NRP2: variants seen among roughly 807,000 people sequenced by gnomAD.
The protein encoded by NRP2 is neuropilin-2.
A neutral mutation model predicts 110.4 loss-of-function variants in NRP2; 52 were observed. That is an observed-to-expected ratio of 0.47 (90% CI 0.38 to 0.59). NRP2 has a LOEUF of 0.59. Among genes scored for constraint, NRP2 ranks in the 20% least tolerant of loss-of-function variants. NRP2 has a pLI of 0.00. For synonymous variants in NRP2, 508 were observed against 468.9 expected, an observed-to-expected ratio of 1.08 and a Z score of -1.08; for missense variants, 1,049 against 1,203.0, an observed-to-expected ratio of 0.87 and a Z score of 1.89.
In NRP2 at chr2:205,795,539, C is replaced by T. The variant is rs1297788166; in HGVS notation, c.*481C>T. 6.6e-6 allele frequency: 1 copy of T among 152,664 alleles called. No homozygotes were observed. The highest frequency in any genetic ancestry group is 2.4e-5 in the African/African-American group (1 of 41,424). The allele number at this position is 152,664 out of a possible 1,614,324, so 9.5% of individuals were successfully genotyped here. A position where few individuals can be genotyped will look rare whatever the true frequency, so the allele number is the denominator to read the frequency against. ...CAAAGTGTCTTTTCAGCCTTTCCAT[C>T]TTTACAAATAAAACTCAAAAAAGCC... On this transcript the variant is annotated 3_prime_UTR_variant, in exon 17 of 17. Transcript: ENST00000357785.
intron 15 of NRP2, among the ~76,000 whole-genome samples, chr2:205,769,859 A>G (rs754356982): frequency 1.6e-4 from 24 of 152,330 alleles, no homozygotes; most frequent in Middle Eastern, 3.4e-3. Context: ...TGGTGTAATT[A>G]AGGTGATGGA....
chr2:205,707,167 A>C (rs750935364), intron 2 of NRP2, among the ~76,000 whole-genome samples: 3 of 152,230 alleles, frequency 2.0e-5, no homozygotes, highest in Non-Finnish European at 4.4e-5. Flanking sequence ...CTCAGAATGG[A>C]AAGGGCATTT....
At chr2:205,730,612 G>A (rs569778170) in intron 7 of NRP2, among the ~76,000 whole-genome samples, 2 of 152,086 alleles carry the variant, frequency 1.3e-5, no homozygotes, top group Non-Finnish European at 2.9e-5. Context: ...ATGCCTTCCC[G>A]GTGTGCAGGG....
chr2:205,737,150 C>T (rs377001472), intron 7 of NRP2, among the ~76,000 whole-genome samples: 1 of 152,124 alleles, frequency 6.6e-6, no homozygotes, highest in Non-Finnish European at 1.5e-5. Flanking sequence ...GGTATTGAAC[C>T]AACACATCAA....
chr2:205,697,793 G>C (rs2056466784), intron 2 of NRP2, 72 bp downstream of exon 2: 6 of 1,452,022 alleles, frequency 4.1e-6, no homozygotes, highest in Non-Finnish European at 5.8e-6. Flanking sequence ...CCCTGCTCTT[G>C]TCACTTCTAT....
At chr2:205,692,240 G>A (rs1054767296) in intron 1 of NRP2, among the ~76,000 whole-genome samples, 5 of 152,186 alleles carry the variant, frequency 3.3e-5, no homozygotes, top group Non-Finnish European at 7.3e-5. Flanking sequence ...CATAAATTGA[G>A]TAGATTGCAT....
At chr2:205,712,097 G>A (rs1330273720) in intron 2 of NRP2, among the ~76,000 whole-genome samples, 1 of 152,154 alleles carries the variant, frequency 6.6e-6, no homozygotes, top group Non-Finnish European at 1.5e-5. Context: ...TTGAAGTTGA[G>A]AAAGAAAGTA....
At chr2:205,722,800 G>A (rs1312027364) in intron 4 of NRP2, 92 bp downstream of exon 4, 17 of 1,019,692 alleles carry the variant, frequency 1.7e-5, no homozygotes, top group Non-Finnish European at 2.3e-5. Flanking sequence ...AGACTTCAAA[G>A]CTCCTATGAG....
chr2:205,748,965 T>C (rs544801798), intron 10 of NRP2, among the ~76,000 whole-genome samples: 1 of 152,362 alleles, frequency 6.6e-6, no homozygotes, highest in East Asian at 1.9e-4. Context: ...CAGGGTTCAT[T>C]GTGTGCTACT....
chr2:205,739,198 G>A (rs2057397633), intron 7 of NRP2, among the ~76,000 whole-genome samples: 1 of 152,118 alleles, frequency 6.6e-6, no homozygotes, highest in African/African-American at 2.4e-5. Context: ...ATGACTCCCA[G>A]CCACCAGCAT....
intron 15 of NRP2, chr2:205,776,633 C>T (rs754020223): frequency 8.2e-6 from 13 of 1,587,720 alleles, no homozygotes; most frequent in South Asian, 1.1e-5. Context: ...AACTCTCAGA[C>T]ATCTCTTTCC....
intron 2 of NRP2, among the ~76,000 whole-genome samples, chr2:205,715,922 A>G (rs2056885088): frequency 6.6e-6 from 1 of 152,218 alleles, no homozygotes; most frequent in Admixed American, 6.5e-5. Flanking sequence ...GTGTTTTGTG[A>G]TATTTGATAG....
intron 13 of NRP2, 122 bp downstream of exon 13, chr2:205,764,058 G>A (rs1206844885): frequency 2.6e-5 from 33 of 1,267,800 alleles, no homozygotes; most frequent in Non-Finnish European, 3.6e-5. Flanking sequence ...ACGTTGCCAT[G>A]GCAACTGAAT....
At chr2:205,703,124 T>C (rs2056596536) in intron 2 of NRP2, among the ~76,000 whole-genome samples, 1 of 152,180 alleles carries the variant, frequency 6.6e-6, no homozygotes, top group African/African-American at 2.4e-5. Context: ...ATTTTTTACA[T>C]TGGAAATGCC....
intron 3 of NRP2, among the ~76,000 whole-genome samples, chr2:205,719,646 G>C (rs1183361036): frequency 1.3e-5 from 2 of 151,930 alleles, no homozygotes; most frequent in Non-Finnish European, 2.9e-5. Context: ...ACATTTTTGG[G>C]GTCATTCACA....
chr2:205,747,623 G>A (rs553591613), intron 10 of NRP2, among the ~76,000 whole-genome samples: 13 of 152,182 alleles, frequency 8.5e-5, no homozygotes, highest in African/African-American at 3.1e-4. Flanking sequence ...AGAGTGATGC[G>A]TGGTTTGGGA....
chr2:205,700,733 TCA>T (rs1261112290), intron 2 of NRP2: 1 of 518,878 alleles, frequency 1.9e-6, no homozygotes, highest in African/African-American at 1.9e-5. Context: ...AAAATTTCAC[TCA>T]CAAGCCGCAG....
Position 205,745,741 on chromosome 2 carries a change from T to C in NRP2, c.1642-5T>C. ...AGAAGGGCTGAGTGGCCTCTCTCCC[T>C]GCAGCTGTTCGAAGGGAACATGCAC... On this transcript the variant is annotated splice_region_variant and splice_polypyrimidine_tract_variant and intron_variant, in intron 9 of 16. Transcript: ENST00000357785. 6.2e-7 allele frequency: 1 copy of C among 1,614,070 alleles called. No individual in the cohort carries two copies. The highest frequency in any genetic ancestry group is 8.5e-7 in the Non-Finnish European group (1 of 1,179,948).
rs2057039983 is a variant in NRP2 at position 205,722,479 on chromosome 2, C to T, written c.435C>T (p.Gly145=). 6.2e-7 allele frequency: 1 copy of T among 1,612,024 alleles called. No homozygotes were observed. The highest frequency in any genetic ancestry group is 8.5e-7 in the Non-Finnish European group (1 of 1,178,058). Residue 145 remains glycine (G), a splice_region_variant and synonymous_variant, in exon 4 of 17, where the codon GGC becomes GGT. Transcript: ENST00000357785. The stretch of plus-strand genomic sequence containing the variant: ...GCTACAGTTCTCTTTTACATACAGG[C>T]TCTGAAGATTGCTCAAAAAACTTCA... ...FSLRYEIFKT[G]SEDCSKNFTS...
Sources: gnomAD v4.1 joint callset for allele counts (sites outside exome capture counted in the v4.1 genomes callset) on GRCh38, gnomAD v4.1.1 for gene constraint, MANE v1.5 for transcripts, NCBI Gene and HGNC (gene_info 2026-07-23, HGNC 2026-07-21) for gene names.